HVCN1: variants seen among roughly 807,000 people sequenced by gnomAD.
HVCN1 encodes the protein voltage-gated hydrogen channel 1.
HVCN1 carries 14 observed loss-of-function variants against 29.2 expected under a neutral mutation model. The ratio of observed to expected loss-of-function variants is 0.48; its 90% CI spans 0.32 to 0.75. The LOEUF (loss-of-function observed/expected upper bound fraction) is 0.75, where lower values mean the gene tolerates loss of function less well. Among genes scored for constraint, HVCN1 ranks in the 30% least tolerant of loss-of-function variants. The probability of loss-of-function intolerance (pLI) is 0.04; values close to 1 mark genes in which losing one functional copy is unlikely to be tolerated. For synonymous variants in HVCN1, 131 were observed against 133.2 expected, an observed-to-expected ratio of 0.98 and a Z score of 0.11; for missense variants, 263 against 341.8, an observed-to-expected ratio of 0.77 and a Z score of 1.82.
Position 110,655,254 on chromosome 12 carries a change from T to C in HVCN1, c.391A>G (p.Lys131Glu). ...CCTACCATGGCAGCATAGTTATTCT[T>C]GTCGGGCTGGATGATCTTCAGGTCC... ...ILDLKIIQPD[K>E]NNYAAMVFHY... The change falls in exon 5 of 8, where the codon AAG (lysine) becomes GAG (glutamate). Residue 131 changes from lysine to glutamate, a missense_variant. By Grantham distance (56) the Lys-to-Glu change is moderately conservative. Around this residue, in one of 3 missense-constraint regions of HVCN1, gnomAD observed 157 missense variants for 181.3 expected, o/e 0.87. Coordinates refer to ENST00000242607, the MANE Select transcript of HVCN1 (RefSeq NM_032369.4). The C allele has an allele frequency of 1.9e-6, 3 of 1,613,650 alleles. No homozygotes were observed. Among genetic ancestry groups the C allele is most frequent in the South Asian group, 2.2e-5 (2 of 91,064 alleles).
chr12:110,648,842 G>GTAAT lies in HVCN1; in HGVS notation c.*564_*567dup, dbSNP rs2067615502. 2.7e-6 allele frequency: 1 copy of GTAAT among 367,890 alleles called. No homozygotes were observed. The highest frequency in any genetic ancestry group is 2.1e-5 in the African/African-American group (1 of 46,512). 22.8% of individuals were successfully genotyped at this position (367,890 alleles called of 1,614,324 possible). A position where few individuals can be genotyped will look rare whatever the true frequency, so the allele number is the denominator to read the frequency against. On this transcript the variant is annotated 3_prime_UTR_variant, in exon 8 of 8. Coordinates refer to ENST00000242607, the MANE Select transcript of HVCN1 (RefSeq NM_032369.4). ...TTTTATTTTATACAGTAGTTGTACA[G>GTAAT]TAATTGAGGAAAAATGTTGTCAGGT...
Position 110,687,259 on chromosome 12 carries a change from C to CCG in HVCN1, c.-20+1365_-20+1366insCG, listed in dbSNP as rs942701067. Among the ~76,000 whole-genome samples the CCG allele has an allele frequency of 3.3e-4, 35 of 105,274 alleles. 1 individual carries two copies. Among genetic ancestry groups the CCG allele is most frequent in the African/African-American group, 1.4e-3 (33 of 23,888 alleles). 69.1% of individuals were successfully genotyped at this position (105,274 alleles called of 152,430 possible). A position where few individuals can be genotyped will look rare whatever the true frequency, so the allele number is the denominator to read the frequency against. On this transcript the variant is annotated intron_variant, in intron 2 of 7. Coordinates refer to ENST00000242607, the MANE Select transcript of HVCN1 (RefSeq NM_032369.4). ...AGGAAATATACAAGACAGACCACAC[C>CCG]CCCCCCCCCCAGCTAAGCACTGGGA...
intron 6 of HVCN1, among the ~76,000 whole-genome samples, 170 bp downstream of exon 6, chr12:110,651,047 A>G: frequency 6.6e-6 from 1 of 152,034 alleles, no homozygotes; most frequent in Non-Finnish European, 1.5e-5. Context: ...CCAGCTCCTA[A>G]AGGGCTGAAG....
chr12:110,651,305 G>A lies in HVCN1; in HGVS notation c.555C>T (p.Asp185=). The A allele has an allele frequency of 6.2e-7, 1 of 1,614,176 alleles. No homozygotes were observed. Among genetic ancestry groups the A allele is most frequent in the Non-Finnish European group, 8.5e-7 (1 of 1,180,002 alleles). Residue 185 remains aspartate (D), a synonymous_variant, in exon 6 of 8, where the codon GAC becomes GAT. Transcript: ENST00000242607. The part of the protein sequence containing the change: ...AVVVVVSFIL[D]IVLLFQEHQF... The stretch of plus-strand genomic sequence containing the variant: ...GGTGCTCCTGGAACAGGAGGACAAT[G>A]TCGAGGATGAATGAGACCACCACCA...
intron 2 of HVCN1, among the ~76,000 whole-genome samples, chr12:110,683,943 G>C (rs891656110): frequency 1.3e-4 from 19 of 146,550 alleles, no homozygotes; most frequent in Non-Finnish European, 2.1e-4. Flanking sequence ...AAAAAAGAGA[G>C]AGAAATAAAG....
chr12:110,687,257 A>ACC (rs59009240), intron 2 of HVCN1, among the ~76,000 whole-genome samples: 1,993 of 109,032 alleles, frequency 0.018, 115 homozygotes, highest in African/African-American at 0.054. Context: ...GACAGACCAC[A>ACC]CCCCCCCCCC....
At chr12:110,657,892 G>C (rs1290802346) in intron 4 of HVCN1, among the ~76,000 whole-genome samples, 1 of 152,188 alleles carries the variant, frequency 6.6e-6, no homozygotes, top group Admixed American at 6.5e-5. Context: ...GGCCAGTCCT[G>C]GGCTCAGCTC....
At chr12:110,675,984 G>A (rs1191456163) in intron 3 of HVCN1, among the ~76,000 whole-genome samples, 2 of 152,186 alleles carry the variant, frequency 1.3e-5, no homozygotes, top group Non-Finnish European at 2.9e-5. Flanking sequence ...TCCCTTAGCA[G>A]AGGAGCAAAC....
intron 5 of HVCN1, among the ~76,000 whole-genome samples, chr12:110,654,471 CT>C (rs1199046571): frequency 0.054 from 6,099 of 112,534 alleles, 191 homozygotes; most frequent in African/African-American, 0.11. Context: ...GGGGGAAATG[CT>C]TTTTTTTTTT....
chr12:110,683,148 T>G, intron 3 of HVCN1, 77 bp downstream of exon 3: 1 of 1,598,050 alleles, frequency 6.3e-7, no homozygotes, highest in Non-Finnish European at 8.6e-7. Context: ...CTCCCTCTCC[T>G]GTTTGAAACA....
rs1015894476 is a variant in HVCN1 at position 110,661,016 on chromosome 12, C to T, written c.306+148G>A. 2.9e-5 allele frequency: 22 copies of T among 766,668 alleles called. No homozygotes were observed. Among genetic ancestry groups the T allele is most frequent in the Non-Finnish European group, 3.9e-5 (18 of 456,022 alleles). 47.5% of individuals were successfully genotyped at this position (766,668 alleles called of 1,614,324 possible). ...TGCCTACCGCATTCCCAGCACGGTACAGGGTCCCCGGCACGTGGTAGGTGC... is the reference window on the plus strand; with the variant it reads ...TGCCTACCGCATTCCCAGCACGGTATAGGGTCCCCGGCACGTGGTAGGTGC... On this transcript the variant is annotated intron_variant, in intron 4 of 7. Coordinates refer to ENST00000242607, the MANE Select transcript of HVCN1 (RefSeq NM_032369.4). This position sits in a 1 kb window ranked among gnomAD's most constrained non-coding sequence, Gnocchi z 6.2.
At chr12:110,675,789 A>G (rs1413717619) in intron 3 of HVCN1, among the ~76,000 whole-genome samples, 1 of 151,074 alleles carries the variant, frequency 6.6e-6, no homozygotes, top group African/African-American at 2.4e-5. Context: ...CATGCCTATA[A>G]TCCCAGCTAC....
intron 2 of HVCN1, among the ~76,000 whole-genome samples, chr12:110,697,899 C>T (rs538985726): frequency 2.0e-4 from 30 of 152,248 alleles, no homozygotes; most frequent in Non-Finnish European, 2.9e-4. Flanking sequence ...ATCTGCCCAC[C>T]TCGGCCTCCC....
At chr12:110,697,520 G>T (rs1328263321) in intron 2 of HVCN1, among the ~76,000 whole-genome samples, 3 of 152,112 alleles carry the variant, frequency 2.0e-5, no homozygotes, top group African/African-American at 7.2e-5. Flanking sequence ...GCACTTGAAG[G>T]GAGCAGAGAA....
intron 3 of HVCN1, among the ~76,000 whole-genome samples, chr12:110,680,179 C>G (rs2068908532): frequency 6.6e-6 from 1 of 152,216 alleles, no homozygotes; most frequent in Admixed American, 6.5e-5. Flanking sequence ...GCGGTCCTGG[C>G]TCTTTCCCCA....
chr12:110,654,950 G>A (rs2067940289), intron 5 of HVCN1, among the ~76,000 whole-genome samples: 1 of 152,102 alleles, frequency 6.6e-6, no homozygotes. Context: ...GAAGACAGGA[G>A]GAATGCCCCT....
At chr12:110,701,964 A>C (rs1187797493) in intron 2 of HVCN1, among the ~76,000 whole-genome samples, 20 of 147,550 alleles carry the variant, frequency 1.4e-4, no homozygotes, top group African/African-American at 5.0e-4. Context: ...TTTTTTTTTG[A>C]GACGGAGTTT....
intron 2 of HVCN1, among the ~76,000 whole-genome samples, chr12:110,687,024 A>G (rs566650621): frequency 6.6e-6 from 1 of 152,340 alleles, no homozygotes; most frequent in South Asian, 2.1e-4. Context: ...AAGTCTATGT[A>G]GAAACGGGAG....
At chr12:110,698,104 G>T (rs1227506836) in intron 2 of HVCN1, among the ~76,000 whole-genome samples, 1 of 152,132 alleles carries the variant, frequency 6.6e-6, no homozygotes, top group Non-Finnish European at 1.5e-5. Context: ...AGACAGAGGG[G>T]GTGCTGCTAC....
Sources: allele counts gnomAD v4.1 joint callset (sites outside exome capture counted in the v4.1 genomes callset), GRCh38; gene constraint gnomAD v4.1.1; regional missense constraint gnomAD v4.1.1; non-coding constraint Gnocchi (gnomAD v3.1); transcripts MANE v1.5; gene names NCBI Gene and HGNC (gene_info 2026-07-23, HGNC 2026-07-21).